The following FAM107B variants were observed in gnomAD, a reference collection of about 807,000 sequenced individuals.
FAM107B encodes family with sequence similarity 107 member B.
Under a neutral mutation model 31.5 loss-of-function variants are expected in FAM107B, and 21 were observed. The observed-to-expected ratio is 0.67, with a 90% CI of 0.47 to 0.96. The LOEUF is 0.96. Among genes scored for constraint, FAM107B ranks in the 40% least tolerant of loss-of-function variants. FAM107B has a pLI of 0.00. For synonymous variants in FAM107B, 157 were observed against 141.5 expected (o/e 1.11, Z -0.78); for missense variants, 452 against 377.1 (o/e 1.20, Z -1.64).
Position 14,753,814 on chromosome 10 carries a change from G to T in FAM107B, c.411+20439C>A, listed in dbSNP as rs574459270. Among the ~76,000 whole-genome samples the T allele has an allele frequency of 1.4e-4, 22 of 151,726 alleles. No individual in the cohort carries two copies. The East Asian group carries it at 2.5e-3, about 17-fold the overall frequency. On this transcript the variant is annotated intron_variant, in intron 1 of 4. Transcript: ENST00000181796. Reference sequence around the variant, plus strand: ...TTAGTAACCAGAGAAAGTATTTTATGATTTGTTTCCCCAAATTTCAACATC... The same window carrying T: ...TTAGTAACCAGAGAAAGTATTTTATTATTTGTTTCCCCAAATTTCAACATC...
intron 2 of FAM107B, among the ~76,000 whole-genome samples, chr10:14,622,817 G>T (rs1309066685): frequency 1.3e-5 from 2 of 152,174 alleles, no homozygotes; most frequent in African/African-American, 4.8e-5. Context: ...TTATTTGACT[G>T]CAGGCTCACA....
intron 1 of FAM107B, among the ~76,000 whole-genome samples, chr10:14,719,971 G>A (rs12240488): frequency 0.019 from 2,711 of 141,494 alleles, 90 homozygotes; most frequent in African/African-American, 0.064. Context: ...GGGCCCTGAC[G>A]GACTGGGTAC....
chr10:14,659,424 G>T (rs1854164507), intron 2 of FAM107B, among the ~76,000 whole-genome samples: 1 of 148,532 alleles, frequency 6.7e-6, no homozygotes, highest in African/African-American at 2.5e-5. Context: ...CTAGGTGAAA[G>T]AGCAAAACTC....
At chr10:14,683,782 G>C (rs571154776) in intron 1 of FAM107B, among the ~76,000 whole-genome samples, 16 of 152,192 alleles carry the variant, frequency 1.1e-4, no homozygotes, top group African/African-American at 3.6e-4. Flanking sequence ...ATAAATAAGT[G>C]AATACATCAC....
intron 2 of FAM107B, among the ~76,000 whole-genome samples, chr10:14,548,041 A>G (rs545632896): frequency 3.9e-5 from 6 of 152,208 alleles, no homozygotes; most frequent in Non-Finnish European, 8.8e-5. Context: ...TGAACAACCA[A>G]TACGCAGGCT....
At chr10:14,651,654 A>T (rs1436569724) in intron 2 of FAM107B, among the ~76,000 whole-genome samples, 1 of 152,162 alleles carries the variant, frequency 6.6e-6, no homozygotes, top group Admixed American at 6.5e-5. Context: ...ATTATGAGCC[A>T]TAAGAAGGGG....
At chr10:14,675,635 T>C (rs1854663747) in intron 1 of FAM107B, among the ~76,000 whole-genome samples, 1 of 152,186 alleles carries the variant, frequency 6.6e-6, no homozygotes, top group South Asian at 2.1e-4. Context: ...TCATGAAACA[T>C]TTAAAGAGTT....
chr10:14,679,333 G>A (rs905665872), intron 1 of FAM107B, among the ~76,000 whole-genome samples: 5 of 152,156 alleles, frequency 3.3e-5, no homozygotes, highest in African/African-American at 9.7e-5. Context: ...GTCTCACTAT[G>A]TTGTCCAGGC....
intron 2 of FAM107B, among the ~76,000 whole-genome samples, chr10:14,580,572 T>C (rs1383229498): frequency 1.3e-5 from 2 of 152,146 alleles, no homozygotes; most frequent in African/African-American, 2.4e-5. Context: ...CATGGTATGA[T>C]TGTCTAAAAG....
At chr10:14,592,521 T>C (rs1852055113) in intron 2 of FAM107B, among the ~76,000 whole-genome samples, 1 of 152,222 alleles carries the variant, frequency 6.6e-6, no homozygotes, top group East Asian at 1.9e-4. Context: ...TCCTTAACAG[T>C]GTCTAATCCT....
In FAM107B at chr10:14,764,154, T is replaced by C. The variant is rs139082347; in HGVS notation, c.411+10099A>G. Among the ~76,000 whole-genome samples the C allele has an allele frequency of 2.4e-3, 371 of 152,374 alleles. 1 individual carries two copies. The highest frequency in any genetic ancestry group is 8.2e-3 in the African/African-American group (343 of 41,582). On this transcript the variant is annotated intron_variant, in intron 1 of 4. Transcript: ENST00000181796. ...ATAAACAGTTTGCACTTTTACACGA[T>C]CATGCATTGTTTTATATCAAAAATT... is the stretch of plus-strand genomic sequence containing the variant.
intron 1 of FAM107B, among the ~76,000 whole-genome samples, chr10:14,668,326 A>C (rs984949051): frequency 6.6e-6 from 1 of 152,210 alleles, no homozygotes; most frequent in Non-Finnish European, 1.5e-5. Flanking sequence ...TCCAGGAGTG[A>C]GCCACCACAC....
chr10:14,690,932 GTTGATTGA>G (rs57262758), intron 1 of FAM107B, among the ~76,000 whole-genome samples: 63,834 of 151,620 alleles, frequency 0.42, 13,723 homozygotes, highest in African/African-American at 0.5. Flanking sequence ...ATGGGCATTT[GTTGATTGA>G]TTGATTGATT....
rs758898571 is a variant in FAM107B at position 14,593,985 on chromosome 10, C to T, written c.470-63470G>A. 2.6e-5 allele frequency among the ~76,000 whole-genome samples: 4 copies of T among 152,146 alleles called. No individual in the cohort carries two copies. In the East Asian group the frequency reaches 7.7e-4, roughly 29 times the overall value. ...GCATGATGCCTAATTAAATTCCATTCATTAATAGGGTAACAGCCTTGGGGC... is the reference window on the plus strand; with the variant it reads ...GCATGATGCCTAATTAAATTCCATTTATTAATAGGGTAACAGCCTTGGGGC... On this transcript the variant is annotated intron_variant, in intron 2 of 4. Coordinates refer to ENST00000181796, the MANE Select transcript of FAM107B (RefSeq NM_031453.4).
intron 2 of FAM107B, among the ~76,000 whole-genome samples, chr10:14,598,231 C>T (rs549749301): frequency 6.6e-6 from 1 of 152,264 alleles, no homozygotes; most frequent in South Asian, 2.1e-4. Context: ...GCGTGGCAGC[C>T]GCGTAATTAC....
intron 1 of FAM107B, among the ~76,000 whole-genome samples, chr10:14,712,948 T>G (rs1855686850): frequency 6.6e-6 from 1 of 152,170 alleles, no homozygotes; most frequent in Admixed American, 6.5e-5. Context: ...TTTTGGTTCC[T>G]TCCTGGACCC....
chr10:14,757,129 A>G (rs995656463), intron 1 of FAM107B, among the ~76,000 whole-genome samples: 1 of 152,158 alleles, frequency 6.6e-6, no homozygotes, highest in African/African-American at 2.4e-5. Context: ...TGTAACACCA[A>G]ATCTGCACTT....
At chr10:14,723,462 C>T (rs1588731916) in intron 1 of FAM107B, 1 of 563,344 alleles carries the variant, frequency 1.8e-6, no homozygotes, top group East Asian at 4.2e-5. Context: ...AGAGATCAGG[C>T]ATGACCTGTC....
chr10:14,696,292 A>G (rs1396063789), intron 1 of FAM107B, among the ~76,000 whole-genome samples: 1 of 152,196 alleles, frequency 6.6e-6, no homozygotes, highest in Non-Finnish European at 1.5e-5. Context: ...TATTACATGG[A>G]TTGATTTGCA....
Sources: allele counts gnomAD v4.1 joint callset (sites outside exome capture counted in the v4.1 genomes callset), GRCh38; gene constraint gnomAD v4.1.1; transcripts MANE v1.5; gene names NCBI Gene and HGNC (gene_info 2026-07-23, HGNC 2026-07-21).